TNS3: variants seen among roughly 807,000 people sequenced by gnomAD.
TNS3 encodes the protein tensin 3.
Under a neutral mutation model 140.9 loss-of-function variants are expected in TNS3, and 45 were observed. The ratio of observed to expected loss-of-function variants is 0.32; its 90% CI spans 0.25 to 0.41. TNS3 has a LOEUF of 0.41. TNS3 is among the 10% of genes least tolerant of loss of function. The pLI is 1.00. For synonymous variants in TNS3, 815 were observed against 788.4 expected (o/e 1.03, Z -0.56); for missense variants, 1,716 against 1,906.7 (o/e 0.90, Z 1.86).
chr7:47,454,537 G>C (rs183931430), intron 4 of TNS3, among the ~76,000 whole-genome samples: 1 of 152,116 alleles, frequency 6.6e-6, no homozygotes, highest in Non-Finnish European at 1.5e-5. Context: ...GAGAGAGGAG[G>C]GTTGCATGTG....
At chr7:47,291,341 G>A (rs888203030) in intron 27 of TNS3, among the ~76,000 whole-genome samples, 1 of 152,166 alleles carries the variant, frequency 6.6e-6, no homozygotes, top group African/African-American at 2.4e-5. Flanking sequence ...TAGGGACTCA[G>A]GTGACGAGGC....
intron 16 of TNS3, among the ~76,000 whole-genome samples, chr7:47,380,193 T>C (rs2462630): frequency 0.7 from 106,677 of 152,214 alleles, 38,889 homozygotes; most frequent in Non-Finnish European, 0.82. Context: ...CCCACAGCCG[T>C]ACTGACAGCA....
At chr7:47,331,957 AG>A (rs1217453580) in intron 20 of TNS3, among the ~76,000 whole-genome samples, 1 of 152,222 alleles carries the variant, frequency 6.6e-6, no homozygotes, top group African/African-American at 2.4e-5. Flanking sequence ...ATGCCCTCAA[AG>A]GCTCTGATGG....
intron 1 of TNS3, among the ~76,000 whole-genome samples, chr7:47,558,919 G>A (rs1800265385): frequency 6.6e-6 from 1 of 152,154 alleles, no homozygotes; most frequent in Non-Finnish European, 1.5e-5. Flanking sequence ...TGGCAAAACT[G>A]GCCGCAAATC....
chr7:47,510,251 C>G (rs759194794), intron 2 of TNS3, among the ~76,000 whole-genome samples: 19 of 152,154 alleles, frequency 1.2e-4, no homozygotes, highest in Non-Finnish European at 2.4e-4. Context: ...TGTGAAGGTG[C>G]TGGCCAGAAG....
intron 20 of TNS3, among the ~76,000 whole-genome samples, chr7:47,328,219 G>A (rs929593135): frequency 2.0e-5 from 3 of 152,132 alleles, no homozygotes; most frequent in Non-Finnish European, 2.9e-5. Flanking sequence ...GAGGGCGGCC[G>A]AGAGAGCTCA....
At chr7:47,403,024 CAG>C (rs1349333416) in intron 13 of TNS3, among the ~76,000 whole-genome samples, 2 of 152,148 alleles carry the variant, frequency 1.3e-5, no homozygotes, top group Non-Finnish European at 2.9e-5. Flanking sequence ...TGGGTGAAAA[CAG>C]AGGGAGCTGT....
intron 20 of TNS3, among the ~76,000 whole-genome samples, chr7:47,335,219 C>T (rs1465087656): frequency 6.6e-6 from 1 of 152,146 alleles, no homozygotes; most frequent in African/African-American, 2.4e-5. Flanking sequence ...GCAATACATT[C>T]AACAGACGGA....
chr7:47,479,381 G>A (rs1369233955), intron 4 of TNS3, among the ~76,000 whole-genome samples: 1 of 152,182 alleles, frequency 6.6e-6, no homozygotes, highest in Non-Finnish European at 1.5e-5. Context: ...TCAGCCCCTG[G>A]CTCCCGGGGC....
At chr7:47,437,468 G>C (rs1166721456) in intron 6 of TNS3, among the ~76,000 whole-genome samples, 155 bp from the exon 7 acceptor site, 1 of 151,484 alleles carries the variant, frequency 6.6e-6, no homozygotes, top group East Asian at 1.9e-4. Context: ...AAAGCTTTTA[G>C]ACAAATCCTT....
chr7:47,439,473 C>A lies in TNS3; in HGVS notation c.150+14G>T, dbSNP rs757438694. 6.2e-7 allele frequency: 1 copy of A among 1,612,690 alleles called. No homozygotes were observed. The highest frequency in any genetic ancestry group is 8.5e-7 in the Non-Finnish European group (1 of 1,179,442). On this transcript the variant is annotated intron_variant, in intron 6 of 30. Coordinates refer to ENST00000311160, the MANE Select transcript of TNS3 (RefSeq NM_022748.12). ...GAGCCTGCCCAAAGGCTCCCAGAGC[C>A]GCCCACCGCTCACCAGGTAGTTGTC...
At chr7:47,539,133 C>T in intron 1 of TNS3, 1 of 456,658 alleles carries the variant, frequency 2.2e-6, no homozygotes, top group Non-Finnish European at 4.4e-6. Flanking sequence ...CAGATAGCCC[C>T]CAGCAGGATA....
At chr7:47,347,728 G>A (rs1789429822) in intron 17 of TNS3, among the ~76,000 whole-genome samples, 1 of 152,086 alleles carries the variant, frequency 6.6e-6, no homozygotes, top group South Asian at 2.1e-4. Flanking sequence ...CCTCTCTTCG[G>A]TTCCCAGCAG....
At chr7:47,569,579 C>A (rs1039266705) in intron 1 of TNS3, among the ~76,000 whole-genome samples, 6 of 151,568 alleles carry the variant, frequency 4.0e-5, no homozygotes, top group African/African-American at 9.7e-5. Context: ...AGGGACGGGG[C>A]GTGGTGGCTC....
intron 1 of TNS3, among the ~76,000 whole-genome samples, chr7:47,545,169 G>A (rs1799888607): frequency 1.4e-5 from 2 of 143,224 alleles, no homozygotes; most frequent in Non-Finnish European, 3.0e-5. Context: ...TTGAGACGGA[G>A]TCTCGCTCTG....
chr7:47,318,822 G>A (rs1787561422), intron 20 of TNS3, among the ~76,000 whole-genome samples: 1 of 152,172 alleles, frequency 6.6e-6, no homozygotes, highest in African/African-American at 2.4e-5. Context: ...TACCGGCGAG[G>A]GTCTATGCCA....
At chr7:47,289,624 A>G (rs1785591959) in intron 27 of TNS3, among the ~76,000 whole-genome samples, 1 of 152,244 alleles carries the variant, frequency 6.6e-6, no homozygotes, top group Non-Finnish European at 1.5e-5. Context: ...TAAAATTTGA[A>G]ATTAAATACA....
intron 1 of TNS3, among the ~76,000 whole-genome samples, chr7:47,538,570 T>C (rs1584832610): frequency 6.6e-6 from 1 of 152,296 alleles, no homozygotes; most frequent in African/African-American, 2.4e-5. Flanking sequence ...ATGGCTGACA[T>C]ATGTGCAAAT....
In TNS3 at chr7:47,424,164, C is replaced by A. The variant is rs1416259395; in HGVS notation, c.410G>T (p.Arg137Met). ...VSASADQALD[R>M]FAMKKFYDDK... ...ATCATAAAACTTCTTCATTGCAAAC[C>A]TGTCAAGGGCCTGGTCGGCGCTGAA... is the stretch of plus-strand genomic sequence containing the variant. Residue 137 changes from arginine to methionine, a missense_variant, in exon 10 of 31, where the codon AGG becomes ATG. Coordinates refer to ENST00000311160, the MANE Select transcript of TNS3 (RefSeq NM_022748.12). 1.2e-6 allele frequency: 2 copies of A among 1,614,038 alleles called. No homozygotes were observed. Among genetic ancestry groups the A allele is most frequent in the Non-Finnish European group, 1.7e-6 (2 of 1,180,042 alleles).
Sources: allele counts gnomAD v4.1 joint callset (sites outside exome capture counted in the v4.1 genomes callset), GRCh38; gene constraint gnomAD v4.1.1; transcripts MANE v1.5; gene names NCBI Gene and HGNC (gene_info 2026-07-23, HGNC 2026-07-21).